Variants in JMJD1C observed in about 807,000 individuals in gnomAD.
JMJD1C encodes the protein jumonji domain containing 1C.
A neutral mutation model predicts 245.3 loss-of-function variants in JMJD1C; 31 were observed. The ratio of observed to expected loss-of-function variants is 0.13; its 90% CI spans 0.09 to 0.17. JMJD1C has a LOEUF of 0.17. JMJD1C is among the 10% of genes least tolerant of loss of function. The probability of loss-of-function intolerance (pLI) is 1.00; values close to 1 mark genes in which losing one functional copy is unlikely to be tolerated. For synonymous variants in JMJD1C, 1,057 were observed against 1,017.4 expected (o/e 1.04, Z -0.74); for missense variants, 2,691 against 3,000.2 (o/e 0.90, Z 2.41).
intron 1 of JMJD1C, among the ~76,000 whole-genome samples, chr10:63,421,369 T>G (rs1192665011): frequency 6.6e-6 from 1 of 152,064 alleles, no homozygotes; most frequent in African/African-American, 2.4e-5. Flanking sequence ...GGCAAAACTA[T>G]ATAGAGCAAA....
intron 2 of JMJD1C, among the ~76,000 whole-genome samples, chr10:63,366,546 C>A (rs1408264462): frequency 6.6e-6 from 1 of 152,170 alleles, no homozygotes; most frequent in Non-Finnish European, 1.5e-5. Context: ...GAAGTGGGCA[C>A]AAGAATGACA....
chr10:63,246,883 T>A (rs1450297417), intron 3 of JMJD1C, among the ~76,000 whole-genome samples: 4 of 151,952 alleles, frequency 2.6e-5, no homozygotes, highest in South Asian at 2.1e-4. Context: ...AAATTTTTTT[T>A]AATTTCTTGA....
intron 2 of JMJD1C, among the ~76,000 whole-genome samples, chr10:63,291,350 C>T (rs1455033775): frequency 1.4e-5 from 2 of 144,032 alleles, no homozygotes; most frequent in Non-Finnish European, 3.0e-5. Flanking sequence ...GGCGAGGTGG[C>T]TCACGCTTGT....
intron 1 of JMJD1C, among the ~76,000 whole-genome samples, chr10:63,480,457 A>C (rs954118430): frequency 6.6e-6 from 1 of 151,966 alleles, no homozygotes; most frequent in African/African-American, 2.4e-5. Context: ...CACTGGGATC[A>C]TAAGAATGAC....
At chr10:63,260,412 C>G (rs1564698353) in intron 3 of JMJD1C, among the ~76,000 whole-genome samples, 1 of 152,082 alleles carries the variant, frequency 6.6e-6, no homozygotes, top group African/African-American at 2.4e-5. Context: ...TAGCCAAAAT[C>G]CATGATAAAA....
Position 63,392,580 on chromosome 10 carries a change from A to G in JMJD1C, c.169-12098T>C, listed in dbSNP as rs531637747. Among the ~76,000 whole-genome samples, 9 of 152,186 alleles carry G rather than the reference A, an allele frequency of 5.9e-5. No individual in the cohort carries two copies. In the South Asian group the frequency reaches 1.9e-3, roughly 32 times the overall value. ...GGTGGCTCATGCCTGTAATCCCAGA[A>G]CTTTAGGAGGCCGAGGTGGGTGGAT... is the stretch of plus-strand genomic sequence containing the variant. On this transcript the variant is annotated intron_variant, in intron 1 of 25. Coordinates refer to ENST00000399262, the MANE Select transcript of JMJD1C (RefSeq NM_032776.3).
At chr10:63,186,105 G>A in intron 19 of JMJD1C, 110 bp downstream of exon 19, 1 of 821,294 alleles carries the variant, frequency 1.2e-6, no homozygotes, top group Admixed American at 2.9e-5. Flanking sequence ...CTTTTTATTA[G>A]ACAACATAAA....
At chr10:63,203,693 A>C (rs1449102144) in intron 10 of JMJD1C, 1 of 983,802 alleles carries the variant, frequency 1.0e-6, no homozygotes, top group Admixed American at 6.1e-5. Context: ...AAAAGGTAGC[A>C]GAGAGGAAGA....
chr10:63,385,036 G>C (rs1377115497), intron 1 of JMJD1C, among the ~76,000 whole-genome samples: 1 of 152,068 alleles, frequency 6.6e-6, no homozygotes, highest in Non-Finnish European at 1.5e-5. Context: ...GCAACTATAG[G>C]ATTATTAATT....
intron 2 of JMJD1C, among the ~76,000 whole-genome samples, chr10:63,302,086 G>C (rs958408405): frequency 6.6e-6 from 1 of 152,004 alleles, no homozygotes; most frequent in Non-Finnish European, 1.5e-5. Flanking sequence ...GTGGGATCAC[G>C]GCTAACTGCA....
chr10:63,520,667 C>T (rs866675349), intron 1 of JMJD1C, among the ~76,000 whole-genome samples: 1 of 152,176 alleles, frequency 6.6e-6, no homozygotes, highest in Non-Finnish European at 1.5e-5. Flanking sequence ...CTAGACCCAG[C>T]CTTTACTTTG....
intron 3 of JMJD1C, among the ~76,000 whole-genome samples, chr10:63,230,076 C>T (rs1312972635): frequency 1.3e-5 from 2 of 152,138 alleles, no homozygotes; most frequent in Non-Finnish European, 1.5e-5. Context: ...TCTGTCTACA[C>T]ATAAAATGAA....
intron 1 of JMJD1C, among the ~76,000 whole-genome samples, chr10:63,500,920 A>G (rs527322654): frequency 1.4e-4 from 21 of 152,326 alleles, no homozygotes; most frequent in African/African-American, 4.6e-4. Flanking sequence ...AAACAACATA[A>G]AACAGTTAAT....
rs1027196549 is a variant in JMJD1C at position 63,445,910 on chromosome 10, T to C, written c.168+19585A>G. 8.9e-5 allele frequency among the ~76,000 whole-genome samples: 12 copies of C among 135,002 alleles called. No individual in the cohort carries two copies. In the East Asian group the frequency reaches 3.0e-3, roughly 33 times the overall value. The allele number at this position is 135,002 out of a possible 152,430, so 88.6% of individuals were successfully genotyped here. On this transcript the variant is annotated intron_variant, in intron 1 of 25. Transcript: ENST00000399262. ...TTTTTTTCCAGACAGAGTCTCACTC[T>C]GGTTACCTAGGCTGGAGTGCAGTGG...
In JMJD1C at chr10:63,210,880, T is replaced by C. The variant is rs185189734; in HGVS notation, c.2695-1645A>G. Among the ~76,000 whole-genome samples the C allele has an allele frequency of 6.3e-3, 961 of 152,292 alleles. 25 individuals are homozygous for C. The highest frequency in any genetic ancestry group is 0.045 in the Admixed American group (693 of 15,302). ...CACACAGGTTCCAGTATGACTCCCA[T>C]CTACGACAAAAGCAACGGCACCCTC... On this transcript the variant is annotated intron_variant, in intron 8 of 25. Transcript: ENST00000399262.
At chr10:63,473,013 G>A (rs779882090) in intron 1 of JMJD1C, among the ~76,000 whole-genome samples, 1 of 151,690 alleles carries the variant, frequency 6.6e-6, no homozygotes, top group Non-Finnish European at 1.5e-5. Flanking sequence ...TCGATCTCTT[G>A]ACCTCATGAT....
intron 1 of JMJD1C, among the ~76,000 whole-genome samples, chr10:63,394,347 T>C (rs1948312823): frequency 6.6e-6 from 1 of 152,022 alleles, no homozygotes; most frequent in African/African-American, 2.4e-5. Context: ...AAATGGATAG[T>C]CTCTTCAACA....
intron 23 of JMJD1C, 92 bp from the exon 24 acceptor site, chr10:63,176,565 T>C: frequency 2.2e-6 from 2 of 918,666 alleles, no homozygotes; most frequent in Non-Finnish European, 3.3e-6. Context: ...TAATAACAAA[T>C]CTTTTCTTCT....
At chr10:63,190,290 C>T (rs1032121633) in intron 17 of JMJD1C, among the ~76,000 whole-genome samples, 11 of 152,052 alleles carry the variant, frequency 7.2e-5, no homozygotes, top group Admixed American at 2.6e-4. Flanking sequence ...TTGCAACCTC[C>T]GCCTCCTGGG....
Sources: gnomAD v4.1 joint callset for allele counts (sites outside exome capture counted in the v4.1 genomes callset) on GRCh38, gnomAD v4.1.1 for gene constraint, MANE v1.5 for transcripts, NCBI Gene and HGNC (gene_info 2026-07-23, HGNC 2026-07-21) for gene names.